Variants in CDH12 observed in about 807,000 individuals in gnomAD.
CDH12 encodes the protein cadherin-12.
A neutral mutation model predicts 74.1 loss-of-function variants in CDH12; 41 were observed. The ratio of observed to expected loss-of-function variants is 0.55; its 90% CI spans 0.43 to 0.72. The LOEUF (loss-of-function observed/expected upper bound fraction) is 0.72, where lower values mean the gene tolerates loss of function less well. Ranked by LOEUF, CDH12 falls within the 30% of genes least tolerant of loss-of-function variation. The probability of loss-of-function intolerance (pLI) is 0.00; values close to 1 mark genes in which losing one functional copy is unlikely to be tolerated. For missense variants in CDH12, 945 were observed against 977.2 expected, an observed-to-expected ratio of 0.97 and a Z score of 0.44; for synonymous variants, 399 against 355.0, an observed-to-expected ratio of 1.12 and a Z score of -1.39.
intron 8 of CDH12, among the ~76,000 whole-genome samples, chr5:21,840,600 A>G (rs1330367301): frequency 6.6e-6 from 1 of 151,942 alleles, no homozygotes. Flanking sequence ...ACCTGACTTC[A>G]AACTATACTA....
intron 2 of CDH12, among the ~76,000 whole-genome samples, chr5:22,425,075 T>C (rs867610657): frequency 8.0e-6 from 1 of 124,872 alleles, no homozygotes; most frequent in Admixed American, 8.0e-5. Context: ...TATATATATA[T>C]ATAGAGAGAG....
rs552684607 is a variant in CDH12 at position 22,716,500 on chromosome 5, A to G, written c.-523+136558T>C. On this transcript the variant is annotated intron_variant, in intron 1 of 14. Coordinates refer to ENST00000382254, the MANE Select transcript of CDH12 (RefSeq NM_004061.5). The stretch of plus-strand genomic sequence containing the variant: ...AGTCACATAAAATTCTCACACATAC[A>G]GTTATGTATAATAATAATAATTCTA... Among the ~76,000 whole-genome samples the G allele has an allele frequency of 3.9e-5, 6 of 152,252 alleles. No homozygotes were observed. In the South Asian group the frequency reaches 1.2e-3, roughly 32 times the overall value.
intron 1 of CDH12, among the ~76,000 whole-genome samples, chr5:22,553,059 G>T (rs1738646670): frequency 6.6e-6 from 1 of 152,018 alleles, no homozygotes; most frequent in East Asian, 1.9e-4. Flanking sequence ...AACCTCAAAA[G>T]GTACTTAACT....
chr5:22,384,382 C>T (rs1438065739), intron 3 of CDH12, among the ~76,000 whole-genome samples: 1 of 150,436 alleles, frequency 6.6e-6, no homozygotes, highest in African/African-American at 2.4e-5. Flanking sequence ...AAAAATTAGC[C>T]GGGCGTGATG....
intron 1 of CDH12, among the ~76,000 whole-genome samples, chr5:22,534,306 G>A (rs1737727690): frequency 6.6e-6 from 1 of 151,970 alleles, no homozygotes; most frequent in South Asian, 2.1e-4. Flanking sequence ...AATCGCCGGA[G>A]CAGTATACCC....
chr5:22,252,326 A>G (rs1407949385), intron 3 of CDH12, among the ~76,000 whole-genome samples: 1 of 152,016 alleles, frequency 6.6e-6, no homozygotes, highest in Non-Finnish European at 1.5e-5. Context: ...GTTAATGTAT[A>G]ATCAGTACAA....
At chr5:22,078,287 C>T (rs937136468) in intron 5 of CDH12, among the ~76,000 whole-genome samples, 159 bp downstream of exon 5, 2 of 152,016 alleles carry the variant, frequency 1.3e-5, no homozygotes, top group Non-Finnish European at 2.9e-5. Context: ...GAAGCTTACC[C>T]GGGCCATTGA....
intron 2 of CDH12, among the ~76,000 whole-genome samples, chr5:22,413,330 G>C (rs1743238490): frequency 6.6e-6 from 1 of 151,860 alleles, no homozygotes; most frequent in Non-Finnish European, 1.5e-5. Context: ...CAAAGATGTT[G>C]GATAAACATG....
chr5:22,504,945 T>A (rs1329212837), intron 2 of CDH12, among the ~76,000 whole-genome samples: 1 of 151,992 alleles, frequency 6.6e-6, no homozygotes. Context: ...AATCACTTTC[T>A]GTTTTTAGGA....
intron 1 of CDH12, among the ~76,000 whole-genome samples, chr5:22,682,978 C>G (rs1026314839): frequency 6.6e-6 from 1 of 152,094 alleles, no homozygotes; most frequent in Non-Finnish European, 1.5e-5. Flanking sequence ...CTGAGGAACT[C>G]ACATTGGCTT....
chr5:22,451,452 T>C (rs1009521866), intron 2 of CDH12, among the ~76,000 whole-genome samples: 2 of 151,694 alleles, frequency 1.3e-5, no homozygotes, highest in African/African-American at 4.8e-5. Flanking sequence ...AGCACCTCAA[T>C]AGAATCAAGA....
chr5:22,136,822 G>A (rs1746493547), intron 4 of CDH12, among the ~76,000 whole-genome samples: 2 of 151,422 alleles, frequency 1.3e-5, no homozygotes, highest in Non-Finnish European at 2.9e-5. Context: ...AAACAAAAGT[G>A]GGAAGAAATC....
intron 5 of CDH12, among the ~76,000 whole-genome samples, chr5:22,064,844 C>T (rs917150240): frequency 1.3e-5 from 2 of 152,128 alleles, no homozygotes; most frequent in African/African-American, 4.8e-5. Flanking sequence ...CTTGTATTGA[C>T]AGACGTGAGA....
chr5:22,569,048 T>C (rs371551902), intron 1 of CDH12, among the ~76,000 whole-genome samples: 1 of 152,186 alleles, frequency 6.6e-6, no homozygotes, highest in African/African-American at 2.4e-5. Flanking sequence ...ATCCATTGAC[T>C]CTTTCTTTCA....
chr5:21,770,925 C>T (rs2149883136), intron 11 of CDH12, among the ~76,000 whole-genome samples: 1 of 152,220 alleles, frequency 6.6e-6, no homozygotes, highest in East Asian at 1.9e-4. Flanking sequence ...CTGGGTGGAG[C>T]TGGAGGCCAT....
intron 3 of CDH12, among the ~76,000 whole-genome samples, chr5:22,378,696 T>G (rs1317420181): frequency 6.6e-6 from 1 of 152,098 alleles, no homozygotes; most frequent in Non-Finnish European, 1.5e-5. Context: ...GCCAATAATC[T>G]TTTCTAAATT....
chr5:21,857,146 C>G (rs115540777), intron 6 of CDH12, among the ~76,000 whole-genome samples: 3,460 of 151,840 alleles, frequency 0.023, 95 homozygotes, highest in African/African-American at 0.071. Context: ...GCTTGGATAG[C>G]ACACCAGCTG....
At chr5:22,819,768 G>A (rs1012042199) in intron 1 of CDH12, among the ~76,000 whole-genome samples, 3 of 150,720 alleles carry the variant, frequency 2.0e-5, no homozygotes, top group Non-Finnish European at 4.4e-5. Flanking sequence ...CTCAAAATCA[G>A]AATAAATGGT....
chr5:22,794,275 A>G (rs929028271), intron 1 of CDH12, among the ~76,000 whole-genome samples: 4 of 152,214 alleles, frequency 2.6e-5, no homozygotes, highest in Non-Finnish European at 5.9e-5. Context: ...ACAGACAAGG[A>G]GGTGGATGAC....
Sources: allele counts gnomAD v4.1 joint callset (sites outside exome capture counted in the v4.1 genomes callset), GRCh38; gene constraint gnomAD v4.1.1; transcripts MANE v1.5; gene names NCBI Gene and HGNC (gene_info 2026-07-23, HGNC 2026-07-21).